Variants in TP53BP1 observed in about 807,000 individuals in gnomAD.
The protein encoded by TP53BP1 is TP53-binding protein 1.
Under a neutral mutation model 200.8 loss-of-function variants are expected in TP53BP1, and 61 were observed. The observed-to-expected ratio is 0.30, with a 90% CI of 0.25 to 0.38. The LOEUF is 0.38. Among genes scored for constraint, TP53BP1 ranks in the 10% least tolerant of loss-of-function variants. The pLI, the probability that TP53BP1 is intolerant of heterozygous loss-of-function variation, is 1.00. For synonymous variants in TP53BP1, 822 were observed against 844.3 expected (o/e 0.97, Z 0.46); for missense variants, 2,144 against 2,371.9 (o/e 0.90, Z 2.00).
intron 16 of TP53BP1, among the ~76,000 whole-genome samples, chr15:43,437,295 T>A (rs1018489647): frequency 1.3e-5 from 2 of 152,138 alleles, no homozygotes; most frequent in African/African-American, 4.8e-5. Context: ...TAAACATGAT[T>A]CCCAAAATAA....
intron 11 of TP53BP1, among the ~76,000 whole-genome samples, chr15:43,459,635 T>A (rs1017913318): frequency 5.3e-4 from 81 of 152,012 alleles, no homozygotes; most frequent in African/African-American, 1.9e-3. Context: ...CCACACACAC[T>A]TCCTGATTCC....
At position 43,508,214 on chromosome 15, in the gene TP53BP1, G is replaced by T. The variant is rs757674386; in HGVS notation, c.-9+2156C>A. Among the ~76,000 whole-genome samples the T allele has an allele frequency of 6.6e-5, 10 of 152,264 alleles. No individual in the cohort carries two copies. The South Asian group carries it at 1.7e-3, about 25-fold the overall frequency. On this transcript the variant is annotated intron_variant, in intron 1 of 27. Transcript: ENST00000263801. ...GTCTCTACTAAAACTACAAAAATTA[G>T]CTGGGCATGGTGGCGCACGCCTGTA...
chr15:43,502,392 A>G (rs903396973), intron 1 of TP53BP1, among the ~76,000 whole-genome samples: 1 of 152,186 alleles, frequency 6.6e-6, no homozygotes, highest in African/African-American at 2.4e-5. Flanking sequence ...ACAACATATT[A>G]GTTTCAGGTG....
chr15:43,450,882 C>T (rs986758673), intron 12 of TP53BP1, among the ~76,000 whole-genome samples: 1 of 151,880 alleles, frequency 6.6e-6, no homozygotes, highest in Non-Finnish European at 1.5e-5. Context: ...TATTTATTTA[C>T]TTATTTATTT....
At chr15:43,411,299 G>A (rs772697308) in intron 24 of TP53BP1, among the ~76,000 whole-genome samples, 8 of 152,104 alleles carry the variant, frequency 5.3e-5, no homozygotes, top group African/African-American at 1.9e-4. Context: ...GTTGTTAATC[G>A]TGCCATCTAA....
At position 43,403,845 on chromosome 15, in the gene TP53BP1, G is replaced by A; in HGVS notation, c.*3538C>T. On this transcript the variant is annotated 3_prime_UTR_variant, in exon 28 of 28. Coordinates refer to ENST00000382044, the MANE Select transcript of TP53BP1 (RefSeq NM_001141980.3). ...GCAGCCTTGCCGAAAGGACAGAGGT[G>A]GTTTTGCCAATGGAGAATTCATGAT... 1 of 1,439,982 alleles carries A rather than the reference G, an allele frequency of 6.9e-7. No individual in the cohort carries two copies. The highest frequency in any genetic ancestry group is 9.8e-7 in the Non-Finnish European group (1 of 1,022,644). The allele number at this position is 1,439,982 out of a possible 1,614,324, so 89.2% of individuals were successfully genotyped here. A position where few individuals can be genotyped will look rare whatever the true frequency, so the allele number is the denominator to read the frequency against.
chr15:43,476,384 A>G (rs1278244369), intron 8 of TP53BP1, among the ~76,000 whole-genome samples: 1 of 152,218 alleles, frequency 6.6e-6, no homozygotes, highest in Admixed American at 6.5e-5. Flanking sequence ...TCCAACGTCT[A>G]CCTTAGGTGA....
chr15:43,407,303 A>T lies in TP53BP1; in HGVS notation c.*80T>A. On this transcript the variant is annotated 3_prime_UTR_variant, in exon 28 of 28. Transcript: ENST00000382044. ...CAAGATCCATGCAAGGAATCCAGTTACACACAAGACACATTTAAAACCTGG... is the reference window on the plus strand; with the variant it reads ...CAAGATCCATGCAAGGAATCCAGTTTCACACAAGACACATTTAAAACCTGG... 1.6e-6 allele frequency: 2 copies of T among 1,229,546 alleles called. No individual in the cohort carries two copies. The highest frequency in any genetic ancestry group is 2.3e-6 in the Non-Finnish European group (2 of 854,648). The allele number at this position is 1,229,546 out of a possible 1,614,324, so 76.2% of individuals were successfully genotyped here.
intron 12 of TP53BP1, among the ~76,000 whole-genome samples, chr15:43,450,773 ACT>A (rs2046147792): frequency 2.0e-5 from 3 of 151,148 alleles, no homozygotes; most frequent in Admixed American, 1.3e-4. Flanking sequence ...CTCTGTACTC[ACT>A]CTCTCTTTTC....
chr15:43,448,316 A>T (rs1276114582), intron 12 of TP53BP1, among the ~76,000 whole-genome samples: 1 of 152,194 alleles, frequency 6.6e-6, no homozygotes, highest in Non-Finnish European at 1.5e-5. Flanking sequence ...TTTTTATAAA[A>T]TGATACATTT....
intron 22 of TP53BP1, 137 bp downstream of exon 22, chr15:43,416,088 C>A (rs907322660): frequency 1.2e-6 from 1 of 840,362 alleles, no homozygotes; most frequent in Non-Finnish European, 1.8e-6. Flanking sequence ...TAGAAAATGA[C>A]AGCTCATCCA....
In TP53BP1 at chr15:43,422,055, G is replaced by T. The variant is rs771901671; in HGVS notation, c.3900C>A (p.Ser1300=). 2 of 1,614,152 alleles carry T rather than the reference G, an allele frequency of 1.2e-6. No homozygotes were observed. Among genetic ancestry groups the T allele is most frequent in the Non-Finnish European group, 1.7e-6 (2 of 1,180,032 alleles). ...AGCTGATATCCCCCAGGTCACCTGAGGAGCCCCCAGTCTGTGAAGGGGAAA... is the reference window on the plus strand; with the variant it reads ...AGCTGATATCCCCCAGGTCACCTGATGAGCCCCCAGTCTGTGAAGGGGAAA... ...TEVSPSQTGG[S]SGDLGDISSF... Residue 1300 remains serine (S), a synonymous_variant, in exon 19 of 28, where the codon TCC becomes TCA. Transcript: ENST00000382044.
chr15:43,483,974 G>A (rs1334014689), intron 4 of TP53BP1, among the ~76,000 whole-genome samples: 3 of 152,156 alleles, frequency 2.0e-5, no homozygotes, highest in Non-Finnish European at 4.4e-5. Context: ...CTGCTTATGA[G>A]TCTGCAATTT....
intron 16 of TP53BP1, among the ~76,000 whole-genome samples, chr15:43,436,699 T>C (rs541755341): frequency 2.9e-4 from 44 of 151,380 alleles, no homozygotes; most frequent in Admixed American, 5.9e-4. Context: ...CCCAGGCTCA[T>C]CTCAAACTCC....
At chr15:43,461,266 C>T (rs1488241403) in intron 11 of TP53BP1, among the ~76,000 whole-genome samples, 1 of 151,896 alleles carries the variant, frequency 6.6e-6, no homozygotes, top group Non-Finnish European at 1.5e-5. Flanking sequence ...GTTGCCCAGG[C>T]TGGAGTGCAG....
chr15:43,405,376 C>A lies in TP53BP1; in HGVS notation c.*2007G>T. 1 of 732,634 alleles carries A rather than the reference C, an allele frequency of 1.4e-6. No homozygotes were observed. 45.4% of individuals were successfully genotyped at this position (732,634 alleles called of 1,614,324 possible). A position where few individuals can be genotyped will look rare whatever the true frequency, so the allele number is the denominator to read the frequency against. Reference sequence around the variant, plus strand: ...AGTTACTGAACATCCAGGAGTACAACTCCTTCCCATCATTCCCATGTGGAA... The same window carrying A: ...AGTTACTGAACATCCAGGAGTACAAATCCTTCCCATCATTCCCATGTGGAA... On this transcript the variant is annotated 3_prime_UTR_variant, in exon 28 of 28. Coordinates refer to ENST00000382044, the MANE Select transcript of TP53BP1 (RefSeq NM_001141980.3).
chr15:43,477,746 G>A lies in TP53BP1; in HGVS notation c.802C>T (p.Pro268Ser). Residue 268 changes from proline (P) to serine (S), a missense_variant, in exon 8 of 28, where the codon CCT (proline) becomes TCT (serine). This residue lies in a region of TP53BP1 where 1,700 missense variants were observed against 1,710.3 expected (regional missense o/e 0.99). Transcript: ENST00000382044. ...GCAACAGATGCTTTGGGGCTAAAAG[G>A]CATGTCCTCTGACCTAGGAAATTCA... ...NPPPARSEDM[P>S]FSPKASVAAM... The A allele has an allele frequency of 6.2e-7, 1 of 1,608,604 alleles. No homozygotes were observed. Among genetic ancestry groups the A allele is most frequent in the Non-Finnish European group, 8.5e-7 (1 of 1,177,840 alleles).
intron 4 of TP53BP1, among the ~76,000 whole-genome samples, chr15:43,490,292 T>C (rs531188414): frequency 6.6e-6 from 1 of 152,072 alleles, no homozygotes; most frequent in East Asian, 1.9e-4. Flanking sequence ...TTCACCACGT[T>C]GTCCAGACTG....
chr15:43,473,507 C>T (rs2046777839), intron 10 of TP53BP1, among the ~76,000 whole-genome samples: 1 of 152,164 alleles, frequency 6.6e-6, no homozygotes, highest in Admixed American at 6.5e-5. Context: ...CATTCACAAA[C>T]CCTGAGCTAG....
Sources: gnomAD v4.1 joint callset for allele counts (sites outside exome capture counted in the v4.1 genomes callset) on GRCh38, gnomAD v4.1.1 for gene constraint, gnomAD v4.1.1 regional missense constraint, MANE v1.5 for transcripts, NCBI Gene and HGNC (gene_info 2026-07-23, HGNC 2026-07-21) for gene names.